Variants in FRS2 observed in about 807,000 individuals in gnomAD.
FRS2 encodes the protein fibroblast growth factor receptor substrate 2.
In FRS2, 8 loss-of-function variants were observed where a neutral mutation model predicts 43.9. That is an observed-to-expected ratio of 0.18 (90% CI 0.11 to 0.33). The LOEUF (loss-of-function observed/expected upper bound fraction) is 0.33. Among genes scored for constraint, FRS2 ranks in the 10% least tolerant of loss-of-function variants. The pLI is 1.00. For synonymous variants in FRS2, 219 were observed against 220.3 expected, an observed-to-expected ratio of 0.99 and a Z score of 0.05; for missense variants, 534 against 627.6, an observed-to-expected ratio of 0.85 and a Z score of 1.59.
intron 1 of FRS2, among the ~76,000 whole-genome samples, chr12:69,514,462 G>C (rs1482053133): frequency 1.3e-5 from 2 of 152,216 alleles, no homozygotes; most frequent in African/African-American, 4.8e-5. Flanking sequence ...ACTCTGGGAT[G>C]CACATGTGTG....
At chr12:69,495,483 CTTG>C (rs1156749512) in intron 1 of FRS2, among the ~76,000 whole-genome samples, 1 of 152,048 alleles carries the variant, frequency 6.6e-6, no homozygotes, top group African/African-American at 2.4e-5. Context: ...TAAATATTTC[CTTG>C]TTGTATGGAT....
chr12:69,477,898 G>A (rs1164898846), intron 1 of FRS2, among the ~76,000 whole-genome samples: 3 of 151,082 alleles, frequency 2.0e-5, no homozygotes, highest in Non-Finnish European at 2.9e-5. Context: ...CCACCACCAC[G>A]CCCGGCTAAT....
At chr12:69,531,915 T>C (rs518634) in intron 2 of FRS2, 99 bp from the exon 3 acceptor site, 14,295 of 152,662 alleles carry the variant, frequency 0.094, 883 homozygotes, top group Non-Finnish European at 0.14. Context: ...TGTCATAGCG[T>C]AATATTCTGA....
rs1881093807 is a variant in FRS2 at position 69,575,037 on chromosome 12, A to G, written c.*82A>G. On this transcript the variant is annotated 3_prime_UTR_variant, in exon 9 of 9. Transcript: ENST00000549921. ...AAGTGCTTCATTTTCATTTCTAAAC[A>G]CTAACTCCTTTTATAGACTGATAAA... 1.1e-6 allele frequency: 1 copy of G among 880,194 alleles called. No homozygotes were observed. Among genetic ancestry groups the G allele is most frequent in the Non-Finnish European group, 1.8e-6 (1 of 551,482 alleles). The allele number at this position is 880,194 out of a possible 1,614,324, so 54.5% of individuals were successfully genotyped here.
chr12:69,570,225 A>G lies in FRS2; in HGVS notation c.67-106A>G, dbSNP rs1880633381. On this transcript the variant is annotated intron_variant, in intron 5 of 8. Coordinates refer to ENST00000549921, the MANE Select transcript of FRS2 (RefSeq NM_001278356.2). Reference sequence around the variant, plus strand: ...TACGTAGTCCATGCCTGATACACACATTGGTTGATGAATGAACTAACAAAT... The same window carrying G: ...TACGTAGTCCATGCCTGATACACACGTTGGTTGATGAATGAACTAACAAAT... 18 of 812,674 alleles carry G rather than the reference A, an allele frequency of 2.2e-5. No homozygotes were observed. The South Asian group carries it at 2.6e-4, about 12-fold the overall frequency. The allele number at this position is 812,674 out of a possible 1,614,324, so 50.3% of individuals were successfully genotyped here.
At chr12:69,521,918 T>C (rs1319371394) in intron 1 of FRS2, among the ~76,000 whole-genome samples, 1 of 152,190 alleles carries the variant, frequency 6.6e-6, no homozygotes, top group Admixed American at 6.5e-5. Context: ...CCAGCCTTGT[T>C]GAGAGTTTTT....
intron 8 of FRS2, among the ~76,000 whole-genome samples, chr12:69,573,800 T>C (rs1237457952): frequency 6.6e-6 from 1 of 152,246 alleles, no homozygotes; most frequent in Non-Finnish European, 1.5e-5. Context: ...TTTATCAAAT[T>C]AGGAAGACAT....
At chr12:69,488,581 C>T (rs1414610087) in intron 1 of FRS2, among the ~76,000 whole-genome samples, 2 of 152,104 alleles carry the variant, frequency 1.3e-5, no homozygotes, top group Non-Finnish European at 2.9e-5. Flanking sequence ...TGGTCTGGAG[C>T]AGAACCCGCA....
intron 1 of FRS2, among the ~76,000 whole-genome samples, chr12:69,510,154 G>A (rs57936392): frequency 6.6e-6 from 1 of 152,114 alleles, no homozygotes; most frequent in Non-Finnish European, 1.5e-5. Flanking sequence ...TTCTGCTGCA[G>A]CACTTTTCAT....
At chr12:69,485,082 A>C (rs890145871) in intron 1 of FRS2, among the ~76,000 whole-genome samples, 3 of 85,346 alleles carry the variant, frequency 3.5e-5, no homozygotes, top group African/African-American at 1.7e-4. Flanking sequence ...CTCATCTTAA[A>C]ACACACACAC....
chr12:69,474,248 G>A (rs894337056), intron 1 of FRS2, among the ~76,000 whole-genome samples: 18 of 152,090 alleles, frequency 1.2e-4, no homozygotes, highest in Non-Finnish European at 1.6e-4. Context: ...TGACTTTTTT[G>A]TATACTTGCC....
At chr12:69,481,606 A>G (rs532719820) in intron 1 of FRS2, among the ~76,000 whole-genome samples, 44 of 152,130 alleles carry the variant, frequency 2.9e-4, no homozygotes, top group Non-Finnish European at 5.6e-4. Flanking sequence ...TAACGTTGAT[A>G]CGGTACTTTA....
chr12:69,560,273 G>A (rs377541427), intron 3 of FRS2, among the ~76,000 whole-genome samples: 1 of 152,070 alleles, frequency 6.6e-6, no homozygotes, highest in Admixed American at 6.5e-5. Context: ...ATTAATTTTC[G>A]AAATATCTTT....
intron 1 of FRS2, among the ~76,000 whole-genome samples, chr12:69,520,364 C>G (rs529240346): frequency 7.0e-6 from 1 of 143,204 alleles, no homozygotes; most frequent in Non-Finnish European, 1.5e-5. Flanking sequence ...TGTCTCTTTT[C>G]CTCTATTATT....
In FRS2 at chr12:69,512,668, G is replaced by GAA. The variant is rs572246866; in HGVS notation, c.-260-18195_-260-18194dup. On this transcript the variant is annotated intron_variant, in intron 1 of 8. Coordinates refer to ENST00000549921, the MANE Select transcript of FRS2 (RefSeq NM_001278356.2). The stretch of plus-strand genomic sequence containing the variant: ...CTTGTATATTATAATTGATGGTTAA[G>GAA]AAATAGCCCTTGGCACATATGCAAA... 1.2e-4 allele frequency among the ~76,000 whole-genome samples: 18 copies of GAA among 152,280 alleles called. No homozygotes were observed. In the East Asian group the frequency reaches 3.1e-3, roughly 26 times the overall value.
At chr12:69,549,053 T>C (rs529526986) in intron 3 of FRS2, among the ~76,000 whole-genome samples, 2 of 152,336 alleles carry the variant, frequency 1.3e-5, no homozygotes, top group South Asian at 2.1e-4. Context: ...AATACACTTA[T>C]GTGCTTCAAG....
intron 4 of FRS2, among the ~76,000 whole-genome samples, chr12:69,566,765 A>G (rs1225339102): frequency 1.3e-5 from 2 of 152,216 alleles, no homozygotes; most frequent in African/African-American, 4.8e-5. Flanking sequence ...AAAGGCCACA[A>G]TAGAGTTATG....
chr12:69,540,383 G>T (rs1289631548), intron 3 of FRS2, among the ~76,000 whole-genome samples: 2 of 151,282 alleles, frequency 1.3e-5, no homozygotes, highest in African/African-American at 4.8e-5. Flanking sequence ...CACAAAATGG[G>T]ACTATGTCAA....
At chr12:69,570,569 GC>G in intron 6 of FRS2, 52 bp downstream of exon 6, 1 of 1,109,240 alleles carries the variant, frequency 9.0e-7, no homozygotes, top group Non-Finnish European at 1.4e-6. Context: ...TGTTTTTTCA[GC>G]TATTCTGTAT....
Sources: allele counts gnomAD v4.1 joint callset (sites outside exome capture counted in the v4.1 genomes callset), GRCh38; gene constraint gnomAD v4.1.1; transcripts MANE v1.5; gene names NCBI Gene and HGNC (gene_info 2026-07-23, HGNC 2026-07-21).